The following MID1 variants were observed in gnomAD, a reference collection of about 807,000 sequenced individuals.
MID1 encodes the protein midline 1, also known as E3 ubiquitin-protein ligase Midline-1.
Under a neutral mutation model 40.4 loss-of-function variants are expected in MID1, and 7 were observed. That is an observed-to-expected ratio of 0.17 (90% confidence interval 0.10 to 0.33). MID1 has a LOEUF of 0.33. Ranked by LOEUF, MID1 falls within the 10% of genes least tolerant of loss-of-function variation. The pLI, the probability that MID1 is intolerant of heterozygous loss-of-function variation, is 1.00. For missense variants in MID1, 367 were observed against 558.5 expected (o/e 0.66, Z 3.46); for synonymous variants, 229 against 221.2 (o/e 1.04, Z -0.31).
chrX:10,803,978 C>A (rs1266323008), intron 1 of MID1, among the ~76,000 whole-genome samples: 3 of 110,874 alleles, frequency 2.7e-5, no homozygotes, highest in Admixed American at 1.9e-4. Flanking sequence ...TTTTGGTTTG[C>A]ATTTCCATTT....
chrX:10,697,004 T>C (rs762855896), intron 1 of MID1, among the ~76,000 whole-genome samples: 3 of 112,271 alleles, frequency 2.7e-5, no homozygotes, highest in African/African-American at 6.5e-5. Context: ...AAGAAATCTT[T>C]ACTTTCTTAT....
chrX:10,682,319 C>A (rs2043066342), intron 1 of MID1, among the ~76,000 whole-genome samples: 1 of 108,235 alleles, frequency 9.2e-6, no homozygotes, highest in South Asian at 3.8e-4. Flanking sequence ...GACCTAATTT[C>A]TTTTCTTTTC....
At chrX:10,715,698 C>T (rs1047750961) in intron 1 of MID1, among the ~76,000 whole-genome samples, 1 of 111,570 alleles carries the variant, frequency 9.0e-6, no homozygotes, top group Non-Finnish European at 1.9e-5. Flanking sequence ...AAGAGAGTAG[C>T]GGTTCTCCCA....
At chrX:10,692,418 A>G (rs1294961714) in intron 1 of MID1, among the ~76,000 whole-genome samples, 1 of 111,484 alleles carries the variant, frequency 9.0e-6, no homozygotes, top group Non-Finnish European at 1.9e-5. Context: ...GATAGAGACC[A>G]GCCTGGCCAA....
At chrX:10,656,161 T>C (rs928312960) in intron 1 of MID1, among the ~76,000 whole-genome samples, 4 of 112,259 alleles carry the variant, frequency 3.6e-5, no homozygotes, top group East Asian at 5.6e-4. Flanking sequence ...TCATAGAGCT[T>C]CTTGTGCTTG....
intron 1 of MID1, among the ~76,000 whole-genome samples, chrX:10,705,607 G>A (rs1204102543): frequency 8.9e-6 from 1 of 111,964 alleles, no homozygotes; most frequent in Non-Finnish European, 1.9e-5. Flanking sequence ...TATTGAGGCC[G>A]TCAGCCACTA....
At chrX:10,665,651 C>T (rs1451522228) in intron 1 of MID1, among the ~76,000 whole-genome samples, 5 of 109,012 alleles carry the variant, frequency 4.6e-5, no homozygotes, top group African/African-American at 1.7e-4. Flanking sequence ...CCTCAGTCTC[C>T]GGAGTAGATG....
At chrX:10,588,973 A>C (rs191507467) in intron 1 of MID1, among the ~76,000 whole-genome samples, 1 of 111,500 alleles carries the variant, frequency 9.0e-6, no homozygotes, top group East Asian at 2.8e-4. Flanking sequence ...TCCTTTCTTG[A>C]AATTTTTCAA....
chrX:10,760,953 A>C (rs757474090), intron 1 of MID1, among the ~76,000 whole-genome samples: 3 of 112,149 alleles, frequency 2.7e-5, no homozygotes, highest in South Asian at 3.8e-4. Flanking sequence ...GAATCTATAG[A>C]ATATTTAAAC....
At chrX:10,666,406 C>CAAAAAAAAAAA (rs33938561) in intron 1 of MID1, among the ~76,000 whole-genome samples, 1 of 68,847 alleles carries the variant, frequency 1.5e-5, no homozygotes, top group African/African-American at 5.3e-5. Flanking sequence ...TGATAAACTG[C>CAAAAAAAAAAA]AAAAAAAAAA....
rs945002868 is a variant in MID1, at chrX:10,448,164, A to T, written c.*1204T>A. The T allele has an allele frequency of 9.2e-6, 1 of 108,314 alleles. No individual in the cohort carries two copies. Among genetic ancestry groups the T allele is most frequent in the East Asian group, 2.9e-4 (1 of 3,442 alleles). 8.9% of individuals were successfully genotyped at this position (108,314 alleles called of 1,213,427 possible). On this transcript the variant is annotated 3_prime_UTR_variant, in exon 10 of 10. Coordinates refer to ENST00000317552, the MANE Select transcript of MID1 (RefSeq NM_000381.4). The stretch of plus-strand genomic sequence containing the variant: ...TATTGTAAACTATACTAGACTATAG[A>T]GGGACTTCTACATCTTTCAAGATGT...
At chrX:10,501,663 C>T (rs894009123) in intron 3 of MID1, 29 of 656,757 alleles carry the variant, frequency 4.4e-5, no homozygotes, top group Non-Finnish European at 6.3e-5. Flanking sequence ...CATTGAGGGT[C>T]ACTCGGCTTC....
intron 1 of MID1, among the ~76,000 whole-genome samples, chrX:10,698,192 A>G (rs2043173015): frequency 8.9e-6 from 1 of 111,863 alleles, no homozygotes; most frequent in Non-Finnish European, 1.9e-5. Context: ...GTCTGGAGGG[A>G]CCATTTACTC....
chrX:10,790,905 T>C (rs1602580556), intron 1 of MID1, among the ~76,000 whole-genome samples: 1 of 112,540 alleles, frequency 8.9e-6, no homozygotes, highest in Non-Finnish European at 1.9e-5. Flanking sequence ...TGTTTGTATT[T>C]TGATTCTTTG....
Position 10,683,121 on chromosome X carries a change from T to C in MID1, c.-186-62702A>G, listed in dbSNP as rs1012814886. On this transcript the variant is annotated intron_variant, in intron 1 of 10. Coordinates refer to the MID1 transcript ENST00000380785. ...GATCTCAACTGAAATCTCTCATACT[T>C]TACGTGAGAGCTGTTATTTCAACCC... Among the ~76,000 whole-genome samples the C allele has an allele frequency of 1.2e-4, 13 of 112,266 alleles. 1 individual carries two copies. The highest frequency in any genetic ancestry group is 1.9e-4 in the Admixed American group (2 of 10,582).
At chrX:10,646,733 ATAAGT>A (rs1186896599) in intron 1 of MID1, among the ~76,000 whole-genome samples, 1 of 111,986 alleles carries the variant, frequency 8.9e-6, no homozygotes, top group Non-Finnish European at 1.9e-5. Flanking sequence ...GGTTTGGAAA[ATAAGT>A]TAAGTAATCT....
chrX:10,637,359 A>G (rs1445782774), intron 1 of MID1, among the ~76,000 whole-genome samples: 1 of 109,566 alleles, frequency 9.1e-6, no homozygotes, highest in Non-Finnish European at 1.9e-5. Flanking sequence ...TGGGCCTGCC[A>G]GAGGTGATGG....
intron 3 of MID1, chrX:10,506,044 C>T: frequency 2.6e-6 from 2 of 769,850 alleles, no homozygotes; most frequent in Non-Finnish European, 3.1e-6. Flanking sequence ...AAATGTTAAG[C>T]TTTGTTCTGC....
intron 1 of MID1, among the ~76,000 whole-genome samples, chrX:10,784,309 A>G (rs2043865848): frequency 9.0e-6 from 1 of 111,714 alleles, no homozygotes; most frequent in Non-Finnish European, 1.9e-5. Flanking sequence ...ACTTTCCAAC[A>G]ATGGGCAATG....
Sources: gnomAD v4.1 joint callset for allele counts (sites outside exome capture counted in the v4.1 genomes callset) on GRCh38, gnomAD v4.1.1 for gene constraint, MANE v1.5 for transcripts, NCBI Gene and HGNC (gene_info 2026-07-23, HGNC 2026-07-21) for gene names.